Variants in RELN observed in about 807,000 individuals in gnomAD.
RELN encodes reelin.
Under a neutral mutation model 427.6 loss-of-function variants are expected in RELN, and 108 were observed. The observed-to-expected ratio is 0.25, with a 90% CI of 0.22 to 0.30. The LOEUF is 0.30. Ranked by LOEUF, RELN falls within the 10% of genes least tolerant of loss-of-function variation. The pLI is 1.00. For synonymous variants in RELN, 1,524 were observed against 1,513.4 expected (o/e 1.01, Z -0.16); for missense variants, 3,715 against 4,302.8 (o/e 0.86, Z 3.82).
intron 1 of RELN, among the ~76,000 whole-genome samples, chr7:103,970,715 G>C (rs1476212115): frequency 6.6e-6 from 1 of 152,178 alleles, no homozygotes; most frequent in Non-Finnish European, 1.5e-5. Context: ...ATAAAACAAA[G>C]TTATGTATTG....
intron 28 of RELN, among the ~76,000 whole-genome samples, chr7:103,576,007 C>T (rs930942376): frequency 1.3e-5 from 2 of 151,958 alleles, no homozygotes; most frequent in South Asian, 2.1e-4. Flanking sequence ...CCGAGGTGGG[C>T]GGATCACAAG....
chr7:103,796,234 A>G (rs1489593462), intron 3 of RELN, among the ~76,000 whole-genome samples: 1 of 152,162 alleles, frequency 6.6e-6, no homozygotes, highest in African/African-American at 2.4e-5. Flanking sequence ...TAAAGAAGAA[A>G]CACTATGTGA....
chr7:103,676,688 A>G (rs965550308), intron 11 of RELN, among the ~76,000 whole-genome samples: 4 of 152,234 alleles, frequency 2.6e-5, no homozygotes, highest in African/African-American at 9.7e-5. Context: ...TCACATATAC[A>G]CCATGGAATA....
intron 60 of RELN, among the ~76,000 whole-genome samples, chr7:103,489,080 C>T (rs1424256091): frequency 6.6e-6 from 1 of 152,178 alleles, no homozygotes; most frequent in African/African-American, 2.4e-5. Flanking sequence ...TGCATACCTT[C>T]TAACAGACCA....
chr7:103,663,516 C>T (rs904550742), intron 11 of RELN, among the ~76,000 whole-genome samples: 1 of 152,168 alleles, frequency 6.6e-6, no homozygotes, highest in East Asian at 1.9e-4. Context: ...TTGGCACAAA[C>T]TGGAAAGCAG....
intron 23 of RELN, among the ~76,000 whole-genome samples, chr7:103,604,021 C>T (rs1362127642): frequency 6.6e-6 from 1 of 152,110 alleles, no homozygotes. Context: ...AGAGGGCATG[C>T]AGCAGGGTTT....
intron 63 of RELN, among the ~76,000 whole-genome samples, chr7:103,481,364 A>T (rs933757452): frequency 1.3e-5 from 2 of 152,176 alleles, no homozygotes; most frequent in Non-Finnish European, 1.5e-5. Context: ...CAGGTTTTGA[A>T]GTTTCCACAG....
At chr7:103,661,654 T>C (rs1833146573) in intron 11 of RELN, 127 bp from the exon 12 acceptor site, 1 of 885,782 alleles carries the variant, frequency 1.1e-6, no homozygotes, top group Non-Finnish European at 1.8e-6. Flanking sequence ...AATAAAGATA[T>C]GGCACTTTAT....
At chr7:103,496,890 T>A in intron 55 of RELN, 122 bp from the exon 56 acceptor site, 1 of 1,085,970 alleles carries the variant, frequency 9.2e-7, no homozygotes, top group Non-Finnish European at 1.4e-6. Flanking sequence ...AAATGACAAC[T>A]GATTTTCCTG....
intron 11 of RELN, among the ~76,000 whole-genome samples, chr7:103,680,369 G>T (rs1833626361): frequency 6.6e-6 from 1 of 152,020 alleles, no homozygotes; most frequent in African/African-American, 2.4e-5. Flanking sequence ...CCCTGAAGAG[G>T]GTGATTTAAT....
rs776283497 is a variant in RELN at position 103,620,923 on chromosome 7, A to G, written c.2702+9017T>C. Among the ~76,000 whole-genome samples, 5 of 152,246 alleles carry G rather than the reference A, an allele frequency of 3.3e-5. No homozygotes were observed. The highest frequency in any genetic ancestry group is 5.9e-5 in the Non-Finnish European group (4 of 68,040). On this transcript the variant is annotated intron_variant, in intron 20 of 64. Coordinates refer to ENST00000428762, the MANE Select transcript of RELN (RefSeq NM_005045.4). The surrounding 1 kb of genome is among the most constrained non-coding windows in gnomAD (Gnocchi z 4.1). ...ACTGGTTGATGTAGTCAGGCCTGAC[A>G]GCCCTGGCTGAAAACATTTAGCATG... is the stretch of plus-strand genomic sequence containing the variant.
At chr7:103,535,616 C>G in intron 45 of RELN, 132 bp from the exon 46 acceptor site, 1 of 803,808 alleles carries the variant, frequency 1.2e-6, no homozygotes, top group Non-Finnish European at 2.0e-6. Flanking sequence ...ACTTATATTT[C>G]CTGCTTTGAA....
intron 1 of RELN, among the ~76,000 whole-genome samples, chr7:103,921,450 T>C (rs796641889): frequency 2.6e-5 from 4 of 152,316 alleles, no homozygotes; most frequent in African/African-American, 7.2e-5. Flanking sequence ...AATTTTTATA[T>C]CTTTCATAGT....
chr7:103,486,147 G>C (rs1480519290), intron 61 of RELN, 50 bp downstream of exon 61: 4 of 1,525,044 alleles, frequency 2.6e-6, no homozygotes, highest in Non-Finnish European at 3.6e-6. Flanking sequence ...GACAATCACT[G>C]GGCTTGTGAC....
rs557069734 is a variant in RELN at position 103,515,493 on chromosome 7, T to G, written c.7863-52A>C. The G allele has an allele frequency of 3.2e-6, 5 of 1,569,554 alleles. No homozygotes were observed. The East Asian group carries it at 6.9e-5, about 22-fold the overall frequency. On this transcript the variant is annotated intron_variant, in intron 49 of 64. Coordinates refer to ENST00000428762, the MANE Select transcript of RELN (RefSeq NM_005045.4). The stretch of plus-strand genomic sequence containing the variant: ...TGGGGAAGAACCCTTGTCAAATATC[T>G]TCTCTGAGTAAAAGATTTACAACCA...
chr7:103,840,687 A>T (rs1793531396), intron 2 of RELN, among the ~76,000 whole-genome samples: 1 of 152,224 alleles, frequency 6.6e-6, no homozygotes. Context: ...CACCATGGTG[A>T]TCTTTTTAAT....
At position 103,723,200 on chromosome 7, in the gene RELN, A is replaced by G; in HGVS notation, c.754-9T>C. On this transcript the variant is annotated splice_polypyrimidine_tract_variant and intron_variant, in intron 7 of 64. Coordinates refer to ENST00000428762, the MANE Select transcript of RELN (RefSeq NM_005045.4). ...TTAAGGCCTGTGGTAATCTAAAGAA[A>G]AAAGAATACATAAAAATAAGACAAG... 6.5e-7 allele frequency: 1 copy of G among 1,534,424 alleles called. No individual in the cohort carries two copies. Among genetic ancestry groups the G allele is most frequent in the Non-Finnish European group, 9.0e-7 (1 of 1,107,948 alleles).
chr7:103,625,282 A>G (rs1367537715), intron 20 of RELN, among the ~76,000 whole-genome samples: 2 of 152,226 alleles, frequency 1.3e-5, no homozygotes, highest in African/African-American at 2.4e-5. Flanking sequence ...GGTGATTGGC[A>G]TTTAGATAGG....
intron 62 of RELN, 34 bp from the exon 63 acceptor site, chr7:103,483,005 C>T: frequency 2.5e-6 from 4 of 1,570,620 alleles, no homozygotes; most frequent in South Asian, 1.1e-5. Context: ...AGAAGTTATA[C>T]ATTAGGAAAC....
Sources: allele counts gnomAD v4.1 joint callset (sites outside exome capture counted in the v4.1 genomes callset), GRCh38; gene constraint gnomAD v4.1.1; non-coding constraint Gnocchi (gnomAD v3.1); transcripts MANE v1.5; gene names NCBI Gene and HGNC (gene_info 2026-07-23, HGNC 2026-07-21).